The following NF1 variants were observed in gnomAD, a reference collection of about 807,000 sequenced individuals.
NF1 encodes the protein neurofibromin.
NF1 carries 122 observed loss-of-function variants against 325.7 expected under a neutral mutation model. That is an observed-to-expected ratio of 0.37 (90% CI 0.32 to 0.44). The LOEUF is 0.44. Among genes scored for constraint, NF1 ranks in the 20% least tolerant of loss-of-function variants. NF1 has a pLI of 1.00. For missense variants in NF1, 2,140 were observed against 3,415.4 expected (o/e 0.63, Z 9.31); for synonymous variants, 1,091 against 1,186.0 (o/e 0.92, Z 1.65).
At chr17:31,160,576 AG>A (rs1396799189) in intron 3 of NF1, among the ~76,000 whole-genome samples, 2 of 152,236 alleles carry the variant, frequency 1.3e-5, no homozygotes, top group Non-Finnish European at 2.9e-5. Flanking sequence ...GCTGTTACAT[AG>A]GATGATGGAA....
chr17:31,185,894 G>A (rs1220337575), intron 8 of NF1, among the ~76,000 whole-genome samples: 5 of 152,192 alleles, frequency 3.3e-5, no homozygotes, highest in Non-Finnish European at 7.3e-5. Flanking sequence ...AATCACAGCG[G>A]AGGCCTCTAG....
At chr17:31,224,124 T>G (rs1648919161) in intron 16 of NF1, among the ~76,000 whole-genome samples, 1 of 152,178 alleles carries the variant, frequency 6.6e-6, no homozygotes, top group African/African-American at 2.4e-5. Flanking sequence ...TCAATCTAGA[T>G]TTATTTCGAT....
chr17:31,150,475 G>A (rs771664009), intron 1 of NF1, among the ~76,000 whole-genome samples: 1 of 152,028 alleles, frequency 6.6e-6, no homozygotes, highest in Non-Finnish European at 1.5e-5. Flanking sequence ...TTGGGGTGGA[G>A]GGGTATTATG....
At chr17:31,203,750 C>T (rs932913334) in intron 11 of NF1, among the ~76,000 whole-genome samples, 1 of 151,952 alleles carries the variant, frequency 6.6e-6, no homozygotes, top group African/African-American at 2.4e-5. Flanking sequence ...GTTCTCTTCT[C>T]CCATGGTTCT....
chr17:31,365,278 CAAAAAA>C (rs67659795), intron 57 of NF1, among the ~76,000 whole-genome samples: 3 of 101,056 alleles, frequency 3.0e-5, no homozygotes, highest in South Asian at 3.0e-4. Flanking sequence ...GAACCTATCT[CAAAAAA>C]AAAAAAAAAA....
intron 40 of NF1, among the ~76,000 whole-genome samples, chr17:31,335,296 A>ATATATATATATATATATATATATATAGG (rs1440930498): frequency 8.0e-5 from 4 of 50,098 alleles, no homozygotes; most frequent in Non-Finnish European, 1.3e-4. Context: ...ATATATATAT[A>ATATATATATATATATATATATATATAGG]ATTATGCCTT....
chr17:31,205,645 G>A (rs2066606593), intron 11 of NF1, among the ~76,000 whole-genome samples: 1 of 151,964 alleles, frequency 6.6e-6, no homozygotes, highest in Admixed American at 6.6e-5. Context: ...TTTGTTTATG[G>A]TAATTGTTAG....
chr17:31,300,857 C>G (rs2068559024), intron 36 of NF1, among the ~76,000 whole-genome samples: 1 of 152,064 alleles, frequency 6.6e-6, no homozygotes, highest in African/African-American at 2.4e-5. Flanking sequence ...AGGCAAGTAT[C>G]TCCATCTAAT....
chr17:31,345,730 G>A lies in NF1; in HGVS notation c.7189+2595G>A, dbSNP rs1165176814. 18 of 1,582,068 alleles carry A rather than the reference G, an allele frequency of 1.1e-5. No individual in the cohort carries two copies. In the South Asian group the frequency reaches 1.2e-4, roughly 11 times the overall value. On this transcript the variant is annotated intron_variant, in intron 48 of 57. Coordinates refer to ENST00000358273, the MANE Select transcript of NF1 (RefSeq NM_001042492.3). ...TTGGTTCCAGACCATGTGATCACAC[G>A]CCTAATGATGTCCGAGTTGGAGAAT... is the stretch of plus-strand genomic sequence containing the variant.
In NF1 at chr17:31,336,847, T is replaced by C. The variant is rs371578074; in HGVS notation, c.6360T>C (p.Ala2120=). The C allele has an allele frequency of 1.5e-5, 25 of 1,613,790 alleles. No individual in the cohort carries two copies. The highest frequency in any genetic ancestry group is 1.8e-5 in the Non-Finnish European group (21 of 1,179,994). The change falls in exon 42 of 58, where the codon GCT becomes GCC. Residue 2120 remains alanine (A), a synonymous_variant. Transcript: ENST00000358273. This position sits in a 1 kb window ranked among gnomAD's most constrained non-coding sequence, Gnocchi z 5.5. ...LVATGPLSLR[A]STHGLVINII... is the part of the protein sequence containing the mutation. The stretch of plus-strand genomic sequence containing the variant: ...CCACAGGTCCGCTCTCCCTTAGAGC[T>C]TCCACACATGGACTGGTCATTAATA...
At chr17:31,252,350 A>G (rs1597738260) in intron 30 of NF1, 1 of 201,466 alleles carries the variant, frequency 5.0e-6, no homozygotes, top group Admixed American at 6.0e-5. Flanking sequence ...AAACATTGAA[A>G]AATATGTGAA....
At chr17:31,180,422 A>C (rs2143768504) in intron 5 of NF1, among the ~76,000 whole-genome samples, 1 of 152,354 alleles carries the variant, frequency 6.6e-6, no homozygotes, top group Non-Finnish European at 1.5e-5. Context: ...CATCCCTGGG[A>C]TGCAAGGCTG....
Position 31,249,089 on chromosome 17 carries a change from A to C in NF1, c.4080A>C (p.Gln1360His), listed in dbSNP as rs769845648. ...IISSSSEFPP[Q>H]LRSVCHCLYQ... ...GTTCCTCCTCAGAATTCCCCCCTCAACTTCGAAGTGTGTGCCACTGTTTAT... is the reference window on the plus strand; with the variant it reads ...GTTCCTCCTCAGAATTCCCCCCTCACCTTCGAAGTGTGTGCCACTGTTTAT... Residue 1360 changes from glutamine (Q) to histidine (H), a missense_variant, in exon 30 of 58, where the codon CAA (glutamine) becomes CAC (histidine). Physicochemically the swap from Gln to His is conservative, Grantham distance 24. Transcript: ENST00000358273. The C allele has an allele frequency of 6.2e-7, 1 of 1,614,006 alleles. No homozygotes were observed. Among genetic ancestry groups the C allele is most frequent in the Non-Finnish European group, 8.5e-7 (1 of 1,179,952 alleles).
intron 36 of NF1, among the ~76,000 whole-genome samples, chr17:31,270,562 A>G (rs2067874429): frequency 6.6e-6 from 1 of 151,800 alleles, no homozygotes. Context: ...TTGAGCCGAG[A>G]TCACACCACT....
At chr17:31,351,887 C>G (rs2151576329) in intron 50 of NF1, among the ~76,000 whole-genome samples, 1 of 150,230 alleles carries the variant, frequency 6.7e-6, no homozygotes, top group South Asian at 2.1e-4. Flanking sequence ...AGCTCATCAA[C>G]TGTAGTTAGT....
At chr17:31,318,480 T>C in intron 36 of NF1, 1 of 1,614,058 alleles carries the variant, frequency 6.2e-7, no homozygotes, top group African/African-American at 1.3e-5. Flanking sequence ...CGCCATTGCT[T>C]CTAGGCTGAC....
intron 1 of NF1, chr17:31,137,982 A>G (rs1915897542): frequency 6.6e-6 from 1 of 151,214 alleles, no homozygotes; most frequent in African/African-American, 2.4e-5. Flanking sequence ...AATCCTTGGA[A>G]TTTTTTTTTA....
In NF1 at chr17:31,336,974, A is replaced by T. The variant is rs1462582205; in HGVS notation, c.6427+60A>T. 1.3e-6 allele frequency: 2 copies of T among 1,526,662 alleles called. No individual in the cohort carries two copies. The highest frequency in any genetic ancestry group is 1.8e-6 in the Non-Finnish European group (2 of 1,114,014). 94.6% of individuals were successfully genotyped at this position (1,526,662 alleles called of 1,614,324 possible). A position where few individuals can be genotyped will look rare whatever the true frequency, so the allele number is the denominator to read the frequency against. Reference sequence around the variant, plus strand: ...TCCTTTCTCCATTTTACTTCACCTGATCAATATAGATTATCTTATTTATGT... The same window carrying T: ...TCCTTTCTCCATTTTACTTCACCTGTTCAATATAGATTATCTTATTTATGT... On this transcript the variant is annotated intron_variant, in intron 42 of 57. Transcript: ENST00000358273. This position sits in a 1 kb window ranked among gnomAD's most constrained non-coding sequence, Gnocchi z 5.5.
intron 1 of NF1, among the ~76,000 whole-genome samples, chr17:31,103,282 G>T (rs1312530888): frequency 6.6e-6 from 1 of 151,584 alleles, no homozygotes; most frequent in East Asian, 1.9e-4. Context: ...TCGCTTTCTC[G>T]CCTAGGCTGG....
Sources: allele counts gnomAD v4.1 joint callset (sites outside exome capture counted in the v4.1 genomes callset), GRCh38; gene constraint gnomAD v4.1.1; non-coding constraint Gnocchi (gnomAD v3.1); transcripts MANE v1.5; gene names NCBI Gene and HGNC (gene_info 2026-07-23, HGNC 2026-07-21).